The following ATP2B2 variants were observed in gnomAD, a reference collection of about 807,000 sequenced individuals.
The protein encoded by ATP2B2 is plasma membrane calcium-transporting ATPase 2.
Under a neutral mutation model 120.0 loss-of-function variants are expected in ATP2B2, and 15 were observed. That is an observed-to-expected ratio of 0.12 (90% CI 0.08 to 0.19). The LOEUF (loss-of-function observed/expected upper bound fraction) is 0.19. Ranked by LOEUF, ATP2B2 falls within the 10% of genes least tolerant of loss-of-function variation. The pLI, the probability that ATP2B2 is intolerant of heterozygous loss-of-function variation, is 1.00. For synonymous variants in ATP2B2, 694 were observed against 700.3 expected (o/e 0.99, Z 0.14); for missense variants, 1,045 against 1,719.8 (o/e 0.61, Z 6.94).
chr3:10,474,461 T>C (rs1005803039), intron 1 of ATP2B2, among the ~76,000 whole-genome samples: 2 of 152,090 alleles, frequency 1.3e-5, no homozygotes, highest in Non-Finnish European at 2.9e-5. Flanking sequence ...TCGAGGGACA[T>C]AGCTCAGCCA....
intron 2 of ATP2B2, among the ~76,000 whole-genome samples, chr3:10,421,082 G>C (rs2062962520): frequency 6.6e-6 from 1 of 152,172 alleles, no homozygotes; most frequent in South Asian, 2.1e-4. Flanking sequence ...CACACTCTTG[G>C]ATGGGGCAGG....
At chr3:10,534,825 G>A in intron 2 of ATP2B2, among the ~76,000 whole-genome samples, 1 of 151,752 alleles carries the variant, frequency 6.6e-6, no homozygotes, top group Non-Finnish European at 1.5e-5. Context: ...GCAGCAGAGG[G>A]CACTGGATGC....
chr3:10,451,690 G>A (rs1465719064), intron 1 of ATP2B2, among the ~76,000 whole-genome samples: 2 of 152,162 alleles, frequency 1.3e-5, no homozygotes, highest in African/African-American at 4.8e-5. Flanking sequence ...AAGAGGCACA[G>A]AGACATGAGA....
upstream of ATP2B2, chr3:10,505,789 G>A (rs1239291599): frequency 2.8e-5 from 4 of 141,508 alleles, 1 homozygote; most frequent in Non-Finnish European, 6.2e-5. Context: ...GGGGAGGAGA[G>A]TGGGGGGCGG....
At chr3:10,491,422 C>T (rs1466757465) in intron 1 of ATP2B2, among the ~76,000 whole-genome samples, 1 of 152,100 alleles carries the variant, frequency 6.6e-6, no homozygotes, top group Non-Finnish European at 1.5e-5. Flanking sequence ...GACGGGGTTT[C>T]ACCATATTGG....
At chr3:10,379,209 G>T (rs761798070) in intron 9 of ATP2B2, 34 bp downstream of exon 9, 10 of 1,610,008 alleles carry the variant, frequency 6.2e-6, no homozygotes, top group Non-Finnish European at 8.5e-6. Flanking sequence ...GGGGCCTCAG[G>T]GACGACAAAC....
chr3:10,410,881 T>C (rs2062588430), intron 2 of ATP2B2, 66 bp from the exon 3 acceptor site: 1 of 1,561,790 alleles, frequency 6.4e-7, no homozygotes, highest in Non-Finnish European at 8.8e-7. Flanking sequence ...TCTGGGAATC[T>C]AGGGGCAGAA....
At chr3:10,477,579 A>G (rs2065253223) in intron 1 of ATP2B2, among the ~76,000 whole-genome samples, 1 of 152,152 alleles carries the variant, frequency 6.6e-6, no homozygotes, top group Admixed American at 6.5e-5. Flanking sequence ...TGGCACATGC[A>G]CCATTCCATT....
chr3:10,381,209 G>A (rs979179222), intron 8 of ATP2B2, among the ~76,000 whole-genome samples: 1 of 152,136 alleles, frequency 6.6e-6, no homozygotes, highest in Non-Finnish European at 1.5e-5. Context: ...TGCCCATCCT[G>A]GGCTTTAAAG....
intron 1 of ATP2B2, among the ~76,000 whole-genome samples, chr3:10,503,717 G>A (rs192150473): frequency 1.4e-4 from 22 of 152,382 alleles, no homozygotes; most frequent in Admixed American, 1.1e-3. Flanking sequence ...GCCAATGCAC[G>A]GGCAGGCACG....
chr3:10,427,135 A>T (rs1182891178), intron 2 of ATP2B2, among the ~76,000 whole-genome samples: 1 of 152,182 alleles, frequency 6.6e-6, no homozygotes, highest in Non-Finnish European at 1.5e-5. Context: ...AAATAGGGAT[A>T]AGCAGTGTCT....
intron 9 of ATP2B2, among the ~76,000 whole-genome samples, chr3:10,379,020 G>A (rs2061455792): frequency 6.6e-6 from 1 of 152,206 alleles, no homozygotes; most frequent in Non-Finnish European, 1.5e-5. Flanking sequence ...TCAAAGGCTA[G>A]GGAGATGCTG....
intron 5 of ATP2B2, 95 bp downstream of exon 5, chr3:10,400,858 A>C (rs2124963293): frequency 6.3e-7 from 1 of 1,578,148 alleles, no homozygotes; most frequent in Non-Finnish European, 8.7e-7. Context: ...GCCAAGGATC[A>C]AAGTCTCTGA....
intron 3 of ATP2B2, among the ~76,000 whole-genome samples, chr3:10,531,623 C>A (rs1274178220): frequency 2.6e-5 from 4 of 152,208 alleles, no homozygotes; most frequent in Non-Finnish European, 2.9e-5. Context: ...ATTCAACCAA[C>A]ATGGGTTGTA....
At chr3:10,682,820 G>A (rs1391550362) in intron 1 of ATP2B2, among the ~76,000 whole-genome samples, 1 of 152,160 alleles carries the variant, frequency 6.6e-6, no homozygotes, top group African/African-American at 2.4e-5. Context: ...ACTGGGTCAG[G>A]TCATGATCCC....
chr3:10,342,617 G>A lies in ATP2B2; in HGVS notation c.2917+135C>T, dbSNP rs2125378462. On this transcript the variant is annotated intron_variant, in intron 19 of 22. Transcript: ENST00000360273. This position sits in a 1 kb window ranked among gnomAD's most constrained non-coding sequence, Gnocchi z 4.4. ...TGGTGTGACCTTGGGCAACTTACTT[G>A]ACCTCCCTGGGCCTCAATTTCCCCA... is the stretch of plus-strand genomic sequence containing the variant. 9.3e-7 allele frequency: 1 copy of A among 1,071,644 alleles called. No homozygotes were observed. Among genetic ancestry groups the A allele is most frequent in the Non-Finnish European group, 1.4e-6 (1 of 721,610 alleles). 66.4% of individuals were successfully genotyped at this position (1,071,644 alleles called of 1,614,324 possible). A position where few individuals can be genotyped will look rare whatever the true frequency, so the allele number is the denominator to read the frequency against.
intron 2 of ATP2B2, among the ~76,000 whole-genome samples, chr3:10,567,906 G>A (rs1387808684): frequency 5.9e-5 from 9 of 152,162 alleles, no homozygotes; most frequent in Non-Finnish European, 7.3e-5. Flanking sequence ...AAACTGTACC[G>A]ATAGGGACCA....
chr3:10,643,911 G>A (rs1224133593), intron 1 of ATP2B2, among the ~76,000 whole-genome samples: 1 of 152,110 alleles, frequency 6.6e-6, no homozygotes, highest in East Asian at 1.9e-4. Context: ...CAACAAAAAG[G>A]AAATAGATAA....
chr3:10,395,304 A>G (rs1036166275), intron 5 of ATP2B2, among the ~76,000 whole-genome samples: 2 of 152,164 alleles, frequency 1.3e-5, no homozygotes, highest in African/African-American at 4.8e-5. Flanking sequence ...GGCATGCAGG[A>G]CCCCACATGG....
Sources: gnomAD v4.1 joint callset for allele counts (sites outside exome capture counted in the v4.1 genomes callset) on GRCh38, gnomAD v4.1.1 for gene constraint, Gnocchi (gnomAD v3.1) non-coding constraint, MANE v1.5 for transcripts, NCBI Gene and HGNC (gene_info 2026-07-23, HGNC 2026-07-21) for gene names.